Variants in CHL1 observed in about 807,000 individuals in gnomAD.
CHL1 encodes the protein cell adhesion molecule L1 like.
In CHL1, 96 loss-of-function variants were observed where a neutral mutation model predicts 141.9. The ratio of observed to expected loss-of-function variants is 0.68; its 90% confidence interval spans 0.57 to 0.80. The LOEUF (loss-of-function observed/expected upper bound fraction) is 0.80, where lower values mean the gene tolerates loss of function less well. CHL1 is among the 30% of genes least tolerant of loss of function. The pLI is 0.00. For missense variants in CHL1, 1,820 were observed against 1,457.2 expected (o/e 1.25, Z -4.05); for synonymous variants, 613 against 502.2 (o/e 1.22, Z -2.95).
chr3:241,187 T>C (rs1692523983), intron 1 of CHL1, among the ~76,000 whole-genome samples: 1 of 152,180 alleles, frequency 6.6e-6, no homozygotes, highest in Non-Finnish European at 1.5e-5. Context: ...ACTTATGATT[T>C]GTTGTCAGTT....
At chr3:256,956 C>T (rs1048815901) in intron 2 of CHL1, among the ~76,000 whole-genome samples, 2 of 152,150 alleles carry the variant, frequency 1.3e-5, no homozygotes, top group Non-Finnish European at 2.9e-5. Context: ...CATGGAAATT[C>T]CCATTCAAGG....
At position 314,788 on chromosome 3, in the gene CHL1, C is replaced by A. The variant is rs138634636; in HGVS notation, c.-94-4895C>A. Among the ~76,000 whole-genome samples, 220 of 152,066 alleles carry A rather than the reference C, an allele frequency of 1.4e-3. 3 individuals carry two copies. The highest frequency in any genetic ancestry group is 4.9e-3 in the African/African-American group (202 of 41,486). On this transcript the variant is annotated intron_variant, in intron 2 of 27. Coordinates refer to ENST00000256509, the MANE Select transcript of CHL1 (RefSeq NM_006614.4). ...AAAAAGGTGCAAGGCTTCTTGAGGC[C>A]TAGACTAGAATTCATCCTAGGGTCA...
At chr3:199,589 T>C (rs1698736066) in intron 1 of CHL1, among the ~76,000 whole-genome samples, 1 of 152,184 alleles carries the variant, frequency 6.6e-6, no homozygotes, top group African/African-American at 2.4e-5. Flanking sequence ...CATGAATTGG[T>C]TTTAAATAAA....
intron 1 of CHL1, among the ~76,000 whole-genome samples, chr3:236,000 G>T (rs541933177): frequency 6.6e-6 from 1 of 152,238 alleles, no homozygotes; most frequent in South Asian, 2.1e-4. Flanking sequence ...GAGTTTTCAG[G>T]TTTGACTATG....
intron 5 of CHL1, among the ~76,000 whole-genome samples, chr3:332,712 T>C (rs1170326415): frequency 6.6e-6 from 1 of 152,212 alleles, no homozygotes; most frequent in Non-Finnish European, 1.5e-5. Context: ...GTAGGAAATG[T>C]CCATGAATTC....
At chr3:226,384 ATACT>A (rs1484199828) in intron 1 of CHL1, among the ~76,000 whole-genome samples, 8 of 146,796 alleles carry the variant, frequency 5.4e-5, no homozygotes, top group Admixed American at 2.1e-4. Context: ...TTATATATAT[ATACT>A]TATATATTAT....
In CHL1 at chr3:350,153, C is replaced by A. The variant is rs529361381; in HGVS notation, c.1033+610C>A. ...ATAATATTAATTCTCTCAAAAAGTG[C>A]AAAAACATTATATTCAAGTCATCTT... On this transcript the variant is annotated intron_variant, in intron 10 of 27. Transcript: ENST00000256509. Among the ~76,000 whole-genome samples the A allele has an allele frequency of 2.6e-5, 4 of 152,260 alleles. No individual in the cohort carries two copies. The South Asian group carries it at 8.3e-4, about 32-fold the overall frequency.
chr3:333,479 C>T (rs1701624744), intron 5 of CHL1, among the ~76,000 whole-genome samples: 1 of 152,048 alleles, frequency 6.6e-6, no homozygotes, highest in Non-Finnish European at 1.5e-5. Context: ...AACAACATTG[C>T]AGTTAAGTTT....
At chr3:216,019 G>A (rs1179770589) in intron 1 of CHL1, among the ~76,000 whole-genome samples, 1 of 152,116 alleles carries the variant, frequency 6.6e-6, no homozygotes, top group African/African-American at 2.4e-5. Context: ...TGAATGTTCT[G>A]AGTGAGAATA....
In CHL1 at chr3:242,397, C is replaced by A. The variant is rs553720091; in HGVS notation, c.-174-2216C>A. ...AGATCACGAGGTCAGGAGATCGAGA[C>A]CATCCTGGCTAACACGGTGAAACCC... is the stretch of plus-strand genomic sequence containing the variant. On this transcript the variant is annotated intron_variant, in intron 1 of 27. Transcript: ENST00000256509. Among the ~76,000 whole-genome samples the A allele has an allele frequency of 1.1e-4, 15 of 141,392 alleles. No individual in the cohort carries two copies. In the South Asian group the frequency reaches 1.2e-3, roughly 12 times the overall value. The allele number at this position is 141,392 out of a possible 152,430, so 92.8% of individuals were successfully genotyped here.
intron 1 of CHL1, among the ~76,000 whole-genome samples, chr3:205,104 C>CTTTTTTTTTTTTTTTTTTTT (rs11424648): frequency 7.7e-6 from 1 of 129,126 alleles, no homozygotes; most frequent in African/African-American, 2.9e-5. Flanking sequence ...TTCTTTCTTT[C>CTTTTTTTTTTTTTTTTTTTT]TTTTTTTTTT....
intron 5 of CHL1, among the ~76,000 whole-genome samples, chr3:335,150 T>C (rs1701764666): frequency 6.6e-6 from 1 of 152,186 alleles, no homozygotes; most frequent in Non-Finnish European, 1.5e-5. Context: ...ACCACCCTGA[T>C]TTTGGAGGGG....
At chr3:350,970 G>A (rs191475998) in intron 10 of CHL1, among the ~76,000 whole-genome samples, 1,893 of 152,172 alleles carry the variant, frequency 0.012, 25 homozygotes, top group South Asian at 0.046. Context: ...TGCAACAGGG[G>A]TATTTTTCTG....
intron 2 of CHL1, among the ~76,000 whole-genome samples, chr3:310,177 G>T (rs1699637916): frequency 2.6e-5 from 4 of 152,094 alleles, no homozygotes; most frequent in Admixed American, 2.6e-4. Context: ...GGGCACAGTG[G>T]CTAGCACTTT....
At position 272,476 on chromosome 3, in the gene CHL1, C is replaced by T. The variant is rs147740264; in HGVS notation, c.-95+27784C>T. Among the ~76,000 whole-genome samples the T allele has an allele frequency of 3.3e-3, 502 of 152,246 alleles. 7 individuals are homozygous for T. Among genetic ancestry groups the T allele is most frequent in the African/African-American group, 0.011 (467 of 41,536 alleles). On this transcript the variant is annotated intron_variant, in intron 2 of 27. Transcript: ENST00000256509. The stretch of plus-strand genomic sequence containing the variant: ...CATTCTTAACAAGAGACTATGTTTT[C>T]GTTCTTTGGAAATGGGAAGATAATT...
intron 1 of CHL1, among the ~76,000 whole-genome samples, chr3:219,104 A>C (rs565949306): frequency 1.3e-5 from 2 of 151,852 alleles, no homozygotes; most frequent in Middle Eastern, 3.2e-3. Context: ...AGCCGAGATC[A>C]TGCCACTGCA....
intron 15 of CHL1, chr3:374,072 C>T: frequency 6.6e-6 from 1 of 152,470 alleles, no homozygotes. Context: ...CCTCCCCCAG[C>T]CCCCACCGCC....
Position 325,956 on chromosome 3 carries a change from T to A in CHL1, c.92-3T>A, listed in dbSNP as rs200543338. 1,984 of 1,595,674 alleles carry A rather than the reference T, an allele frequency of 1.2e-3. 20 individuals carry two copies. Among genetic ancestry groups the A allele is most frequent in the East Asian group, 6.8e-3 (303 of 44,554 alleles). ...GTTTTTAAGTACATATTTTAATATT[T>A]AGTTCAACAGGTTCCAACAATCATA... is the stretch of plus-strand genomic sequence containing the variant. On this transcript the variant is annotated splice_polypyrimidine_tract_variant and splice_region_variant and intron_variant, in intron 3 of 27. Coordinates refer to ENST00000256509, the MANE Select transcript of CHL1 (RefSeq NM_006614.4).
chr3:395,509 T>G (rs1323894985), intron 24 of CHL1, among the ~76,000 whole-genome samples: 9 of 152,224 alleles, frequency 5.9e-5, no homozygotes, highest in Admixed American at 5.2e-4. Context: ...TGCTAAGCTT[T>G]CTATGATAGC....
Sources: allele counts gnomAD v4.1 joint callset (sites outside exome capture counted in the v4.1 genomes callset), GRCh38; gene constraint gnomAD v4.1.1; transcripts MANE v1.5; gene names NCBI Gene and HGNC (gene_info 2026-07-23, HGNC 2026-07-21).